CLIC6: variants seen among roughly 807,000 people sequenced by gnomAD.
The protein encoded by CLIC6 is CLIC family member 6.
CLIC6 carries 39 observed loss-of-function variants against 49.2 expected under a neutral mutation model. The observed-to-expected ratio is 0.79, with a 90% CI of 0.61 to 1.04. The LOEUF is 1.04. Ranked by LOEUF, CLIC6 falls within the 50% of genes least tolerant of loss-of-function variation. CLIC6 has a pLI of 0.00. For synonymous variants in CLIC6, 446 were observed against 433.4 expected, an observed-to-expected ratio of 1.03 and a Z score of -0.36; for missense variants, 988 against 993.1, an observed-to-expected ratio of 0.99 and a Z score of 0.07.
chr21:34,688,105 A>G (rs750152890), intron 1 of CLIC6, among the ~76,000 whole-genome samples: 6 of 152,200 alleles, frequency 3.9e-5, no homozygotes, highest in Non-Finnish European at 5.9e-5. Flanking sequence ...CCTTGCTGCA[A>G]TGATGATACA....
chr21:34,696,693 A>G (rs1990094914), intron 1 of CLIC6, among the ~76,000 whole-genome samples: 2 of 152,258 alleles, frequency 1.3e-5, no homozygotes, highest in Admixed American at 1.3e-4. Context: ...CACATGCTCC[A>G]TATGTGTTAG....
chr21:34,692,892 T>G (rs1478664559), intron 1 of CLIC6, among the ~76,000 whole-genome samples: 1 of 152,234 alleles, frequency 6.6e-6, no homozygotes, highest in African/African-American at 2.4e-5. Flanking sequence ...GTCTGAACAC[T>G]TTTAGAGATA....
At chr21:34,699,339 C>T (rs1230839031) in intron 1 of CLIC6, among the ~76,000 whole-genome samples, 1 of 151,954 alleles carries the variant, frequency 6.6e-6, no homozygotes, top group Non-Finnish European at 1.5e-5. Flanking sequence ...GTAGCTTCGA[C>T]CTCCTGGGCT....
intron 1 of CLIC6, among the ~76,000 whole-genome samples, chr21:34,678,862 C>T (rs150432628): frequency 4.6e-5 from 7 of 152,282 alleles, no homozygotes; most frequent in South Asian, 2.1e-4. Flanking sequence ...AGTCTTCTTT[C>T]GCCCATGAAG....
intron 1 of CLIC6, among the ~76,000 whole-genome samples, chr21:34,677,180 C>G (rs1195801413): frequency 6.6e-6 from 1 of 152,220 alleles, no homozygotes; most frequent in African/African-American, 2.4e-5. Flanking sequence ...GGTATAAAAT[C>G]TATTTCATTT....
At position 34,670,210 on chromosome 21, in the gene CLIC6, C is replaced by G; in HGVS notation, c.822C>G (p.Gly274=). ...CGGGGGACAGCGTAGAAGCCGAAGG[C>G]CCGGCGGGGGACAGCATGGACGCCG... The part of the protein sequence containing the change: ...VPAGDSVEAE[G]PAGDSMDAEG... Residue 274 remains glycine (G), a synonymous_variant, in exon 1 of 6, where the codon GGC becomes GGG. Transcript: ENST00000349499. The G allele has an allele frequency of 7.1e-7, 1 of 1,402,618 alleles. No homozygotes were observed. Among genetic ancestry groups the G allele is most frequent in the Non-Finnish European group, 9.2e-7 (1 of 1,085,606 alleles). 86.9% of individuals were successfully genotyped at this position (1,402,618 alleles called of 1,614,324 possible).
In CLIC6 at chr21:34,683,732, T is replaced by C. The variant is rs116007846; in HGVS notation, c.1374+12970T>C. 3.2e-3 allele frequency among the ~76,000 whole-genome samples: 495 copies of C among 152,336 alleles called. 4 individuals are homozygous for C. Among genetic ancestry groups the C allele is most frequent in the African/African-American group, 0.011 (468 of 41,584 alleles). ...CCCCTATCCCCACCCTGCTGCCATGTAAGATGTGCCTTGCTTCCTCTTCAC... is the reference window on the plus strand; with the variant it reads ...CCCCTATCCCCACCCTGCTGCCATGCAAGATGTGCCTTGCTTCCTCTTCAC... On this transcript the variant is annotated intron_variant, in intron 1 of 5. Coordinates refer to ENST00000349499, the MANE Select transcript of CLIC6 (RefSeq NM_053277.3).
Position 34,708,754 on chromosome 21 carries a change from GT to G in CLIC6, c.1668del (p.Phe556LeufsTer8), listed in dbSNP as rs1048092494. 5 of 1,614,066 alleles carry G rather than the reference GT, an allele frequency of 3.1e-6. No homozygotes were observed. Among genetic ancestry groups the G allele is most frequent in the Non-Finnish European group, 4.2e-6 (5 of 1,180,024 alleles). On this transcript the variant is annotated frameshift_variant, in exon 4 of 6. Coordinates refer to ENST00000349499, the MANE Select transcript of CLIC6 (RefSeq NM_053277.3). LOFTEE classifies it high-confidence loss of function. Reference sequence around the variant, plus strand: ...AATCTAATTCCGCAGGAAATGACGTGTTTGCCAAATTCTCAGCGTTTATAAA... The same window carrying G: ...AATCTAATTCCGCAGGAAATGACGTGTTGCCAAATTCTCAGCGTTTATAAA... ...PESNSAGNDV[F>X]AKFSAFIKNT...
At chr21:34,699,925 G>T (rs1990157317) in intron 1 of CLIC6, among the ~76,000 whole-genome samples, 1 of 152,256 alleles carries the variant, frequency 6.6e-6, no homozygotes, top group Admixed American at 6.5e-5. Flanking sequence ...CCCAAAGATT[G>T]GTAGGACTGG....
At chr21:34,677,779 C>T (rs1435061479) in intron 1 of CLIC6, among the ~76,000 whole-genome samples, 1 of 152,152 alleles carries the variant, frequency 6.6e-6, no homozygotes, top group African/African-American at 2.4e-5. Flanking sequence ...CCCCAACCCC[C>T]TCCAGGCCTT....
At position 34,702,548 on chromosome 21, in the gene CLIC6, T is replaced by C. The variant is rs1452757103; in HGVS notation, c.1375-4732T>C. 8.7e-4 allele frequency among the ~76,000 whole-genome samples: 132 copies of C among 152,126 alleles called. 1 individual carries two copies. Among genetic ancestry groups the C allele is most frequent in the Admixed American group, 8.6e-3 (132 of 15,286 alleles). On this transcript the variant is annotated intron_variant, in intron 1 of 5. Transcript: ENST00000349499. ...CCGTACGTCAACCCCCTAGCGTCAG[T>C]TGTACATGCAGTGAAATTTCCTGTG...
At chr21:34,670,838 A>T in intron 1 of CLIC6, 76 bp downstream of exon 1, 5 of 1,455,094 alleles carry the variant, frequency 3.4e-6, no homozygotes, top group Non-Finnish European at 4.6e-6. Flanking sequence ...TCCCAGAGGG[A>T]CGCGCAGGGA....
intron 2 of CLIC6, 21 bp downstream of exon 2, chr21:34,707,410 T>A (rs368464667): frequency 6.9e-7 from 1 of 1,444,440 alleles, no homozygotes; most frequent in Non-Finnish European, 9.7e-7. Flanking sequence ...GCGTCTGCCT[T>A]ACTGAAATAA....
At chr21:34,706,185 G>T in intron 1 of CLIC6, 2 of 541,464 alleles carry the variant, frequency 3.7e-6, no homozygotes. Flanking sequence ...GCCTCACAAA[G>T]CTCACAGTCG....
intron 1 of CLIC6, among the ~76,000 whole-genome samples, chr21:34,698,460 G>A (rs1370838658): frequency 6.6e-6 from 1 of 151,060 alleles, no homozygotes; most frequent in African/African-American, 2.4e-5. Flanking sequence ...AGGGATGGAA[G>A]GAAGAAAGGA....
chr21:34,716,230 G>A lies in CLIC6; in HGVS notation c.1900-91G>A, dbSNP rs550784071. On this transcript the variant is annotated intron_variant, in intron 5 of 5. Coordinates refer to ENST00000349499, the MANE Select transcript of CLIC6 (RefSeq NM_053277.3). ...ATGACATGGGAAACTGGGAAAGAAT[G>A]TATTGCATGCCTCAGAAGAATGGAC... 52 of 1,065,776 alleles carry A rather than the reference G, an allele frequency of 4.9e-5. No individual in the cohort carries two copies. In the East Asian group the frequency reaches 1.2e-3, roughly 25 times the overall value. 66.0% of individuals were successfully genotyped at this position (1,065,776 alleles called of 1,614,324 possible). A position where few individuals can be genotyped will look rare whatever the true frequency, so the allele number is the denominator to read the frequency against.
At position 34,718,028 on chromosome 21, in the gene CLIC6, C is replaced by T. The variant is rs2056097626; in HGVS notation, c.*1546C>T. On this transcript the variant is annotated 3_prime_UTR_variant, in exon 6 of 6. Coordinates refer to ENST00000349499, the MANE Select transcript of CLIC6 (RefSeq NM_053277.3). ...GAGATTGGGTCTAGCACATGTCACC[C>T]TTGTCCACGTTGTTTCACATCTGGT... 1 of 152,610 alleles carries T rather than the reference C, an allele frequency of 6.6e-6. No individual in the cohort carries two copies. The highest frequency in any genetic ancestry group is 6.5e-5 in the Admixed American group (1 of 15,276). 9.5% of individuals were successfully genotyped at this position (152,610 alleles called of 1,614,324 possible).
rs920976798 is a variant in CLIC6 at position 34,670,357 on chromosome 21, C to G, written c.969C>G (p.Pro323=). 10 of 1,450,992 alleles carry G rather than the reference C, an allele frequency of 6.9e-6. No individual in the cohort carries two copies. The highest frequency in any genetic ancestry group is 5.3e-5 in the East Asian group (2 of 37,900). 89.9% of individuals were successfully genotyped at this position (1,450,992 alleles called of 1,614,324 possible). A position where few individuals can be genotyped will look rare whatever the true frequency, so the allele number is the denominator to read the frequency against. ...CCGGGGAGAGTGCGGGGCGCAGCCC[C>G]GGTGAGCTCGCCTGGGACGCAGCGG... ...VAAGESAGRS[P]GELAWDAAEE... is the part of the protein sequence containing the mutation. The change falls in exon 1 of 6, where the codon CCC becomes CCG. Residue 323 remains proline, a synonymous_variant. Transcript: ENST00000349499.
chr21:34,686,976 C>T (rs1445730374), intron 1 of CLIC6, among the ~76,000 whole-genome samples: 1 of 152,212 alleles, frequency 6.6e-6, no homozygotes, highest in Non-Finnish European at 1.5e-5. Context: ...CCCAGGCAAA[C>T]CTCGCTCAAA....
Sources: allele counts gnomAD v4.1 joint callset (sites outside exome capture counted in the v4.1 genomes callset), GRCh38; gene constraint gnomAD v4.1.1; transcripts MANE v1.5; gene names NCBI Gene and HGNC (gene_info 2026-07-23, HGNC 2026-07-21).